The following PHF12 variants were observed in gnomAD, a reference collection of about 807,000 sequenced individuals.
The protein encoded by PHF12 is PHD finger protein 12, also known as PHD factor 1.
Under a neutral mutation model 99.8 loss-of-function variants are expected in PHF12, and 6 were observed. The observed-to-expected ratio is 0.06, with a 90% CI of 0.03 to 0.12. PHF12 has a LOEUF of 0.12. PHF12 is among the 10% of genes least tolerant of loss of function. The pLI is 1.00. For synonymous variants in PHF12, 480 were observed against 514.9 expected (o/e 0.93, Z 0.92); for missense variants, 954 against 1,300.1 (o/e 0.73, Z 4.09).
chr17:28,940,217 A>G (rs1014580597), intron 2 of PHF12, among the ~76,000 whole-genome samples: 1 of 152,258 alleles, frequency 6.6e-6, no homozygotes, highest in African/African-American at 2.4e-5. Context: ...TAACCCAGAT[A>G]TCATTTTTGT....
intron 2 of PHF12, among the ~76,000 whole-genome samples, chr17:28,948,114 G>A (rs2040749315): frequency 6.6e-6 from 1 of 152,164 alleles, no homozygotes; most frequent in South Asian, 2.1e-4. Context: ...CCATGCCTGA[G>A]GTTTCTAATA....
At chr17:28,912,047 G>T in intron 9 of PHF12, 1 of 959,326 alleles carries the variant, frequency 1.0e-6, no homozygotes, top group Non-Finnish European at 1.2e-6. Context: ...CTGAGAATAT[G>T]CATCAGGCAT....
At chr17:28,936,112 A>G (rs1252756862) in intron 2 of PHF12, among the ~76,000 whole-genome samples, 2 of 152,222 alleles carry the variant, frequency 1.3e-5, no homozygotes, top group Non-Finnish European at 2.9e-5. Context: ...GCTCTAATTA[A>G]GAGGATCTAT....
At chr17:28,943,715 A>C (rs2040665695) in intron 2 of PHF12, among the ~76,000 whole-genome samples, 1 of 152,226 alleles carries the variant, frequency 6.6e-6, no homozygotes, top group African/African-American at 2.4e-5. Flanking sequence ...ATTATTTACA[A>C]CACCAAAAAG....
intron 2 of PHF12, among the ~76,000 whole-genome samples, chr17:28,941,945 G>C (rs1053916005): frequency 6.6e-6 from 1 of 152,168 alleles, no homozygotes; most frequent in African/African-American, 2.4e-5. Context: ...CCAAGTATGA[G>C]AAGTGCTCAA....
intron 10 of PHF12, 129 bp downstream of exon 10, chr17:28,910,983 T>A: frequency 7.7e-7 from 1 of 1,294,354 alleles, no homozygotes; most frequent in Non-Finnish European, 1.1e-6. Context: ...ATACTCCTCA[T>A]TCCCATCTCC....
At chr17:28,941,410 G>T (rs554611827) in intron 2 of PHF12, among the ~76,000 whole-genome samples, 1 of 152,242 alleles carries the variant, frequency 6.6e-6, no homozygotes, top group African/African-American at 2.4e-5. Flanking sequence ...TTCTTTTTAT[G>T]AGCCATATAA....
chr17:28,947,666 A>C (rs1333725359), intron 2 of PHF12, among the ~76,000 whole-genome samples: 1 of 151,530 alleles, frequency 6.6e-6, no homozygotes, highest in Non-Finnish European at 1.5e-5. Flanking sequence ...GAAAAGTGAG[A>C]TAAGCCTCAC....
chr17:28,950,965 C>G lies in PHF12; in HGVS notation c.-5G>C. On this transcript the variant is annotated 5_prime_UTR_variant, in exon 1 of 15. Coordinates refer to ENST00000332830, the MANE Select transcript of PHF12 (RefSeq NM_001033561.2). This position sits in a 1 kb window ranked among gnomAD's most constrained non-coding sequence, Gnocchi z 5.7. ...GGTCTCCATTTTCTCCCACATTCATCCACCTCCCGGGCTGGGTGCTCTCTG... is the reference window on the plus strand; with the variant it reads ...GGTCTCCATTTTCTCCCACATTCATGCACCTCCCGGGCTGGGTGCTCTCTG... 6.2e-7 allele frequency: 1 copy of G among 1,613,798 alleles called. No individual in the cohort carries two copies. The highest frequency in any genetic ancestry group is 1.1e-5 in the South Asian group (1 of 91,032).
In PHF12 at chr17:28,937,013, T is replaced by A. The variant is rs568936743; in HGVS notation, c.249-9950A>T. ...AAAGGACCACAATCATGTCTCAGCC[T>A]CCTAGCAGCCATTTTGCTCTATAAA... On this transcript the variant is annotated intron_variant, in intron 2 of 14. Coordinates refer to ENST00000332830, the MANE Select transcript of PHF12 (RefSeq NM_001033561.2). 5.3e-5 allele frequency among the ~76,000 whole-genome samples: 8 copies of A among 152,312 alleles called. No individual in the cohort carries two copies. In the South Asian group the frequency reaches 1.0e-3, roughly 20 times the overall value.
intron 5 of PHF12, 97 bp from the exon 6 acceptor site, chr17:28,919,372 TTCTCCCCTCCTTGATCCTAAC>T (rs1244710907): frequency 7.2e-3 from 15 of 2,070 alleles, no homozygotes; most frequent in Non-Finnish European, 0.019. Flanking sequence ...GATCCTAACA[TTCTCCCCTCCTTGATCCTAAC>T]ATTCTCCCCT....
In PHF12 at chr17:28,917,400, C is replaced by T. The variant is rs564670532; in HGVS notation, c.1019G>A (p.Arg340His). Reference sequence around the variant, plus strand: ...ATGCTGCGAAACGGTGTCCTGGAAACGATCAAACACCTGGCACCGATTGCT... The same window carrying T: ...ATGCTGCGAAACGGTGTCCTGGAAATGATCAAACACCTGGCACCGATTGCT... ...TLSNRCQVFDRFQDTVSQHVV... is the reference protein window; with the variant it reads ...TLSNRCQVFDHFQDTVSQHVV... The change falls in exon 7 of 15, where the codon CGT becomes CAT. Residue 340 changes from arginine to histidine, a missense_variant. By Grantham distance (29) the Arg-to-His change is conservative. Coordinates refer to ENST00000332830, the MANE Select transcript of PHF12 (RefSeq NM_001033561.2). The T allele has an allele frequency of 1.1e-5, 17 of 1,613,970 alleles. No individual in the cohort carries two copies. The highest frequency in any genetic ancestry group is 2.2e-5 in the South Asian group (2 of 91,066).
rs375277750 is a variant in PHF12, at chr17:28,906,236, G to C, written c.2962C>G (p.Leu988Val). ...LLQDGVLAEK[L>V]SLKPHQGPVL... is the part of the protein sequence containing the mutation. ...GGGCCCTGGTGGGGCTTGAGAGAGAGCTTCTCGGCCAAGACCCCATCCTGC... is the reference window on the plus strand; with the variant it reads ...GGGCCCTGGTGGGGCTTGAGAGAGACCTTCTCGGCCAAGACCCCATCCTGC... The change falls in exon 15 of 15, where the codon CTC (leucine) becomes GTC (valine). Residue 988 changes from leucine to valine, a missense_variant. Around this residue, in one of 8 missense-constraint regions of PHF12, gnomAD observed 136 missense variants for 172.3 expected, o/e 0.79. Transcript: ENST00000332830. The surrounding 1 kb of genome is among the most constrained non-coding windows in gnomAD (Gnocchi z 4.2). 45 of 1,612,334 alleles carry C rather than the reference G, an allele frequency of 2.8e-5. No homozygotes were observed. The African/African-American group carries it at 3.2e-4, about 11-fold the overall frequency.
intron 7 of PHF12, among the ~76,000 whole-genome samples, chr17:28,916,715 CT>C (rs1445014033): frequency 1.3e-5 from 2 of 152,182 alleles, no homozygotes; most frequent in African/African-American, 4.8e-5. Flanking sequence ...GGAAATTTTT[CT>C]GTCAATCTCT....
At chr17:28,938,323 C>T (rs777391326) in intron 2 of PHF12, among the ~76,000 whole-genome samples, 4 of 152,144 alleles carry the variant, frequency 2.6e-5, no homozygotes, top group Admixed American at 6.5e-5. Context: ...CTCCGCCTCC[C>T]GGTTCAACTG....
rs1223368999 is a variant in PHF12 at position 28,908,876 on chromosome 17, T to G, written c.2365A>C (p.Arg789=). The G allele has an allele frequency of 6.2e-7, 1 of 1,613,278 alleles. No homozygotes were observed. Among genetic ancestry groups the G allele is most frequent in the Non-Finnish European group, 8.5e-7 (1 of 1,179,588 alleles). The change falls in exon 12 of 15, where the codon AGA becomes CGA. Residue 789 remains arginine, a synonymous_variant. Coordinates refer to ENST00000332830, the MANE Select transcript of PHF12 (RefSeq NM_001033561.2). ...ASGGHHIEVQ[R]KEVQARAVFY... is the part of the protein sequence containing the mutation. Reference sequence around the variant, plus strand: ...ACAGCTCGGGCCTGTACCTCCTTTCTTTGCACTACAAGACAAACATAGGAA... The same window carrying G: ...ACAGCTCGGGCCTGTACCTCCTTTCGTTGCACTACAAGACAAACATAGGAA...
chr17:28,923,533 C>T (rs1198023336), intron 4 of PHF12, among the ~76,000 whole-genome samples: 1 of 150,374 alleles, frequency 6.7e-6, no homozygotes, highest in Non-Finnish European at 1.5e-5. Flanking sequence ...TAGCATGCGC[C>T]TGTAGTCCCA....
chr17:28,928,962 G>A (rs960858053), intron 2 of PHF12, among the ~76,000 whole-genome samples: 4 of 151,762 alleles, frequency 2.6e-5, no homozygotes, highest in African/African-American at 9.7e-5. Context: ...CGGGTGTAGT[G>A]GCACGCGCCT....
intron 2 of PHF12, among the ~76,000 whole-genome samples, chr17:28,933,281 A>G (rs1480107109): frequency 1.3e-5 from 2 of 152,244 alleles, no homozygotes; most frequent in Non-Finnish European, 2.9e-5. Context: ...AAGCCTAGAA[A>G]TAGCATAGTG....
Sources: allele counts gnomAD v4.1 joint callset (sites outside exome capture counted in the v4.1 genomes callset), GRCh38; gene constraint gnomAD v4.1.1; regional missense constraint gnomAD v4.1.1; non-coding constraint Gnocchi (gnomAD v3.1); transcripts MANE v1.5; gene names NCBI Gene and HGNC (gene_info 2026-07-23, HGNC 2026-07-21).